The following GALNTL6 variants were observed in gnomAD, a reference collection of about 807,000 sequenced individuals.
GALNTL6 encodes the protein polypeptide N-acetylgalactosaminyltransferase-like 6.
Under a neutral mutation model 73.7 loss-of-function variants are expected in GALNTL6, and 46 were observed. The ratio of observed to expected loss-of-function variants is 0.62; its 90% confidence interval spans 0.49 to 0.80. The LOEUF (loss-of-function observed/expected upper bound fraction) is 0.80, where lower values mean the gene tolerates loss of function less well. Among genes scored for constraint, GALNTL6 ranks in the 30% least tolerant of loss-of-function variants. The pLI is 0.00. For synonymous variants in GALNTL6, 259 were observed against 263.7 expected, an observed-to-expected ratio of 0.98 and a Z score of 0.17; for missense variants, 604 against 755.0, an observed-to-expected ratio of 0.80 and a Z score of 2.34.
chr4:171,992,703 T>A (rs183797830), intron 2 of GALNTL6, among the ~76,000 whole-genome samples: 15 of 152,170 alleles, frequency 9.9e-5, no homozygotes, highest in African/African-American at 3.6e-4. Context: ...AGAGTATATC[T>A]CTTATTCTAG....
At chr4:172,640,430 T>C (rs904398207) in intron 5 of GALNTL6, among the ~76,000 whole-genome samples, 3 of 152,146 alleles carry the variant, frequency 2.0e-5, no homozygotes, top group African/African-American at 4.8e-5. Context: ...ATTTATATGG[T>C]ATATTAGTCG....
chr4:172,559,013 A>C (rs1020564387), intron 5 of GALNTL6, among the ~76,000 whole-genome samples: 2 of 147,396 alleles, frequency 1.4e-5, no homozygotes, highest in African/African-American at 5.0e-5. Flanking sequence ...ATTTACATAA[A>C]ATTTCCTGAG....
chr4:172,694,776 A>G (rs1422031622), intron 5 of GALNTL6, among the ~76,000 whole-genome samples: 1 of 152,140 alleles, frequency 6.6e-6, no homozygotes, highest in African/African-American at 2.4e-5. Flanking sequence ...ATTTTGTATT[A>G]TTTCTTCCTC....
rs145762015 is a variant in GALNTL6 at position 172,523,611 on chromosome 4, C to T, written c.553+174922C>T. Among the ~76,000 whole-genome samples the T allele has an allele frequency of 3.0e-4, 46 of 152,146 alleles. No homozygotes were observed. In the East Asian group the frequency reaches 7.0e-3, roughly 23 times the overall value. On this transcript the variant is annotated intron_variant, in intron 5 of 12. Coordinates refer to ENST00000506823, the MANE Select transcript of GALNTL6 (RefSeq NM_001034845.3). ...AACTCCTGGACTCAAGTGATCTGCC[C>T]GCCTCAGCCTCCCAAAATGCTGGGA...
intron 2 of GALNTL6, among the ~76,000 whole-genome samples, chr4:172,183,025 A>G (rs2110859146): frequency 6.6e-6 from 1 of 152,310 alleles, no homozygotes; most frequent in Middle Eastern, 3.4e-3. Flanking sequence ...TCTTGCTGAT[A>G]GATGAAAACC....
chr4:172,989,552 C>T (rs1579749976), intron 10 of GALNTL6, among the ~76,000 whole-genome samples: 1 of 152,146 alleles, frequency 6.6e-6, no homozygotes, highest in Non-Finnish European at 1.5e-5. Context: ...GGGCCTGGTA[C>T]AAGGTGATTG....
In GALNTL6 at chr4:172,300,896, T is replaced by C. The variant is rs1739889589; in HGVS notation, c.248-10718T>C. The stretch of plus-strand genomic sequence containing the variant: ...TCTTTGTGGCATTCTCTGTATTTCC[T>C]GAATTTGAATGTTGGCCTGCCTTGC... On this transcript the variant is annotated intron_variant, in intron 3 of 12. Coordinates refer to ENST00000506823, the MANE Select transcript of GALNTL6 (RefSeq NM_001034845.3). Among the ~76,000 whole-genome samples the C allele has an allele frequency of 3.3e-5, 5 of 152,312 alleles. No homozygotes were observed. The South Asian group carries it at 1.0e-3, about 32-fold the overall frequency.
At chr4:172,250,564 G>C (rs929145469) in intron 3 of GALNTL6, among the ~76,000 whole-genome samples, 1 of 152,074 alleles carries the variant, frequency 6.6e-6, no homozygotes, top group Non-Finnish European at 1.5e-5. Context: ...GACCCCATAA[G>C]ATCTGATGGT....
chr4:171,866,162 CA>C (rs879546709), intron 2 of GALNTL6, among the ~76,000 whole-genome samples: 2 of 151,982 alleles, frequency 1.3e-5, no homozygotes, highest in Admixed American at 6.6e-5. Context: ...AGAAGAGGAG[CA>C]GGTAATGTTG....
intron 5 of GALNTL6, among the ~76,000 whole-genome samples, chr4:172,523,786 A>G (rs1477060060): frequency 6.6e-6 from 1 of 152,154 alleles, no homozygotes; most frequent in Non-Finnish European, 1.5e-5. Context: ...TTTCTTCTCT[A>G]CACTCTCTTA....
At chr4:171,844,905 C>T (rs937651934) in intron 2 of GALNTL6, among the ~76,000 whole-genome samples, 5 of 152,134 alleles carry the variant, frequency 3.3e-5, no homozygotes, top group African/African-American at 9.7e-5. Context: ...CTATTGCTTT[C>T]TTGCTCCATT....
chr4:172,623,553 G>T (rs1314911402), intron 5 of GALNTL6, among the ~76,000 whole-genome samples: 3 of 151,882 alleles, frequency 2.0e-5, no homozygotes, highest in Non-Finnish European at 2.9e-5. Context: ...ATTACATAAG[G>T]TACCTACTAA....
chr4:172,570,036 G>T (rs1736704167), intron 5 of GALNTL6, among the ~76,000 whole-genome samples: 1 of 152,188 alleles, frequency 6.6e-6, no homozygotes, highest in Non-Finnish European at 1.5e-5. Flanking sequence ...TGATAATTTG[G>T]AGTTCATTGA....
intron 2 of GALNTL6, among the ~76,000 whole-genome samples, chr4:172,178,940 A>G (rs957836174): frequency 2.0e-5 from 2 of 102,036 alleles, no homozygotes; most frequent in Non-Finnish European, 3.9e-5. Context: ...TTTACTGAGA[A>G]TGATGATTTC....
intron 7 of GALNTL6, among the ~76,000 whole-genome samples, chr4:172,861,972 G>A (rs1328807151): frequency 6.6e-6 from 1 of 152,270 alleles, no homozygotes; most frequent in Non-Finnish European, 1.5e-5. Flanking sequence ...GATAGAATGG[G>A]GTGCTTCTGA....
chr4:172,981,687 T>TGAG (rs1751069002), intron 10 of GALNTL6, among the ~76,000 whole-genome samples: 1 of 152,114 alleles, frequency 6.6e-6, no homozygotes. Flanking sequence ...TTGGGTCCCT[T>TGAG]GAGATTCCAT....
chr4:171,884,605 T>A (rs982231475), intron 2 of GALNTL6, among the ~76,000 whole-genome samples: 9 of 151,930 alleles, frequency 5.9e-5, no homozygotes, highest in African/African-American at 1.9e-4. Flanking sequence ...CATTTCAAAT[T>A]ATATATAAAA....
At chr4:172,932,568 G>A (rs1305786700) in intron 9 of GALNTL6, among the ~76,000 whole-genome samples, 2 of 152,122 alleles carry the variant, frequency 1.3e-5, no homozygotes, top group Middle Eastern at 3.2e-3. Flanking sequence ...TACAGGCTGA[G>A]TATCCCTCAT....
intron 5 of GALNTL6, among the ~76,000 whole-genome samples, chr4:172,522,364 T>C (rs1425188527): frequency 6.6e-6 from 1 of 152,180 alleles, no homozygotes; most frequent in African/African-American, 2.4e-5. Flanking sequence ...CATTCTCTGG[T>C]TACCAGCGAT....
Sources: allele counts gnomAD v4.1 joint callset (sites outside exome capture counted in the v4.1 genomes callset), GRCh38; gene constraint gnomAD v4.1.1; transcripts MANE v1.5; gene names NCBI Gene and HGNC (gene_info 2026-07-23, HGNC 2026-07-21).